The following CNTN6 variants were observed in gnomAD, a reference collection of about 807,000 sequenced individuals.
CNTN6 encodes contactin-6.
CNTN6 carries 137 observed loss-of-function variants against 122.8 expected under a neutral mutation model. The observed-to-expected ratio is 1.12, with a 90% confidence interval of 0.97 to 1.29. CNTN6 has a LOEUF of 1.29. CNTN6 is among the 50% of genes most tolerant of loss of function. CNTN6 has a pLI of 0.00. For synonymous variants in CNTN6, 570 were observed against 426.0 expected, an observed-to-expected ratio of 1.34 and a Z score of -4.16; for missense variants, 1,634 against 1,223.4, an observed-to-expected ratio of 1.34 and a Z score of -5.01.
At chr3:1,265,044 C>CTTTTTTTTTTTTTT (rs201949693) in intron 4 of CNTN6, among the ~76,000 whole-genome samples, 7 of 100,746 alleles carry the variant, frequency 6.9e-5, no homozygotes, top group Admixed American at 2.3e-4. Context: ...ACCGAATTTC[C>CTTTTTTTTTTTTTT]TTTTTTTTTT....
At chr3:1,289,767 C>T (rs534705054) in intron 5 of CNTN6, among the ~76,000 whole-genome samples, 1 of 151,606 alleles carries the variant, frequency 6.6e-6, no homozygotes, top group African/African-American at 2.4e-5. Flanking sequence ...CTCCAACTCC[C>T]GGGTTCCCGC....
intron 1 of CNTN6, among the ~76,000 whole-genome samples, chr3:1,096,749 G>A (rs2090547292): frequency 1.3e-5 from 2 of 152,252 alleles, no homozygotes; most frequent in South Asian, 2.1e-4. Flanking sequence ...GAAAAAGAAA[G>A]TACTGATCGG....
chr3:1,382,967 G>C lies in CNTN6; in HGVS notation c.2192G>C (p.Gly731Ala), dbSNP rs1692146459. 3 of 1,613,878 alleles carry C rather than the reference G, an allele frequency of 1.9e-6. No homozygotes were observed. In the South Asian group the frequency reaches 3.3e-5, roughly 18 times the overall value. ...WESIPEELQN[G>A]EGFGYIIMFR... ...TCAATTCCAGAAGAACTGCAGAATG[G>C]GGAGGGATTTGGATATATCATCATG... Residue 731 changes from glycine to alanine, a missense_variant, in exon 18 of 23, where the codon GGG becomes GCG. Gly to Ala is a moderately conservative substitution (Grantham distance 60, BLOSUM62 0). Coordinates refer to ENST00000446702, the MANE Select transcript of CNTN6 (RefSeq NM_001289080.2).
At chr3:1,207,038 C>G (rs894846395) in intron 2 of CNTN6, among the ~76,000 whole-genome samples, 2 of 152,068 alleles carry the variant, frequency 1.3e-5, no homozygotes, top group Non-Finnish European at 2.9e-5. Context: ...TCTTCAAATG[C>G]ATATACCTTC....
chr3:1,388,264 GAGCAGCCTAACTGGGAGGCACCCCCC>G lies in CNTN6; in HGVS notation c.2704+2473_2704+2498del, dbSNP rs1560007737. Among the ~76,000 whole-genome samples, 3 of 149,088 alleles carry G rather than the reference GAGCAGCCTAACTGGGAGGCACCCCCC, an allele frequency of 2.0e-5. No individual in the cohort carries two copies. The East Asian group carries it at 5.9e-4, about 29-fold the overall frequency. On this transcript the variant is annotated intron_variant, in intron 20 of 22. Coordinates refer to ENST00000446702, the MANE Select transcript of CNTN6 (RefSeq NM_001289080.2). ...AGTGGGTCCCTGACCCCTGACCCCC[GAGCAGCCTAACTGGGAGGCACCCCCC>G]AGCAGGGGCACACTGACACCTCACA...
chr3:1,183,500 T>G (rs1044685848), intron 2 of CNTN6, among the ~76,000 whole-genome samples: 2 of 152,142 alleles, frequency 1.3e-5, no homozygotes, highest in African/African-American at 4.8e-5. Flanking sequence ...AGTCCAGTAT[T>G]CAATTGATTG....
At chr3:1,164,889 A>C (rs1000979243) in intron 2 of CNTN6, among the ~76,000 whole-genome samples, 7 of 152,224 alleles carry the variant, frequency 4.6e-5, no homozygotes, top group Non-Finnish European at 1.0e-4. Context: ...CTCAAGGTAC[A>C]TTATATCACT....
intron 16 of CNTN6, among the ~76,000 whole-genome samples, chr3:1,375,499 A>G (rs1400500247): frequency 6.6e-6 from 1 of 152,130 alleles, no homozygotes; most frequent in African/African-American, 2.4e-5. Context: ...TGAATAGGGA[A>G]AGGAATTTTC....
chr3:1,329,182 C>CACAT (rs1292134237), intron 10 of CNTN6, among the ~76,000 whole-genome samples: 2 of 150,708 alleles, frequency 1.3e-5, no homozygotes, highest in South Asian at 4.2e-4. Context: ...ATCAGAAACA[C>CACAT]ACATACATAT....
intron 11 of CNTN6, among the ~76,000 whole-genome samples, chr3:1,349,028 G>A (rs980650451): frequency 2.6e-5 from 4 of 151,854 alleles, no homozygotes; most frequent in African/African-American, 7.3e-5. Flanking sequence ...CTAACATACC[G>A]TTTCAAACAC....
Position 1,097,023 on chromosome 3 carries a change from A to G in CNTN6, c.-83+3903A>G, listed in dbSNP as rs190034031. ...CTTTCAGTTTGGAGGAATTCTTTGA[A>G]TGAAAATTTTATTAGAATGTTGTTA... On this transcript the variant is annotated intron_variant, in intron 1 of 22. Transcript: ENST00000446702. 4.0e-3 allele frequency among the ~76,000 whole-genome samples: 601 copies of G among 151,936 alleles called. 4 individuals carry two copies. Among genetic ancestry groups the G allele is most frequent in the African/African-American group, 0.013 (561 of 41,564 alleles).
At chr3:1,254,513 C>T (rs528253876) in intron 4 of CNTN6, among the ~76,000 whole-genome samples, 2 of 152,242 alleles carry the variant, frequency 1.3e-5, no homozygotes, top group East Asian at 1.9e-4. Flanking sequence ...TTATATCCAT[C>T]AATTTCACTT....
At chr3:1,150,254 G>A (rs886537859) in intron 2 of CNTN6, among the ~76,000 whole-genome samples, 1 of 152,136 alleles carries the variant, frequency 6.6e-6, no homozygotes, top group Non-Finnish European at 1.5e-5. Context: ...AGAGTTCTGT[G>A]ACTATGCATA....
chr3:1,392,677 A>C (rs1239595836), intron 20 of CNTN6, among the ~76,000 whole-genome samples: 2,127 of 127,230 alleles, frequency 0.017, 39 homozygotes, highest in Middle Eastern at 0.038. Flanking sequence ...GGCTAATATC[A>C]AGAATCTACA....
intron 20 of CNTN6, among the ~76,000 whole-genome samples, chr3:1,386,746 G>A (rs1408777943): frequency 6.6e-6 from 1 of 152,076 alleles, no homozygotes; most frequent in Admixed American, 6.5e-5. Flanking sequence ...AAATATAGTT[G>A]CTGAATTTTG....
chr3:1,378,651 A>G (rs764179168), intron 17 of CNTN6, among the ~76,000 whole-genome samples: 7 of 152,162 alleles, frequency 4.6e-5, no homozygotes, highest in Non-Finnish European at 1.0e-4. Flanking sequence ...TTCAGGTGCC[A>G]CACAGAGCAT....
chr3:1,371,150 T>A (rs1331433616), intron 12 of CNTN6, among the ~76,000 whole-genome samples: 1 of 152,120 alleles, frequency 6.6e-6, no homozygotes, highest in Non-Finnish European at 1.5e-5. Flanking sequence ...TAAAATGCAG[T>A]TACACATTAA....
At chr3:1,344,134 C>A (rs1287322066) in intron 11 of CNTN6, among the ~76,000 whole-genome samples, 1 of 152,022 alleles carries the variant, frequency 6.6e-6, no homozygotes, top group Non-Finnish European at 1.5e-5. Context: ...ATATCGTGAA[C>A]TCTAGTGACT....
chr3:1,158,905 T>C (rs928925377), intron 2 of CNTN6, among the ~76,000 whole-genome samples: 29 of 107,282 alleles, frequency 2.7e-4, no homozygotes, highest in East Asian at 1.2e-3. Flanking sequence ...TATATACACA[T>C]ATATATACAC....
Sources: gnomAD v4.1 joint callset for allele counts (sites outside exome capture counted in the v4.1 genomes callset) on GRCh38, gnomAD v4.1.1 for gene constraint, MANE v1.5 for transcripts, NCBI Gene and HGNC (gene_info 2026-07-23, HGNC 2026-07-21) for gene names.